The following SPTBN2 variants were observed in gnomAD, a reference collection of about 807,000 sequenced individuals.
SPTBN2 encodes spectrin beta chain, non-erythrocytic 2.
In SPTBN2, 107 loss-of-function variants were observed where a neutral mutation model predicts 284.2. The observed-to-expected ratio is 0.38, with a 90% confidence interval of 0.32 to 0.44. The LOEUF (loss-of-function observed/expected upper bound fraction) is 0.44, where lower values mean the gene tolerates loss of function less well. SPTBN2 is among the 20% of genes least tolerant of loss of function. The probability of loss-of-function intolerance (pLI) is 1.00; values close to 1 mark genes in which losing one functional copy is unlikely to be tolerated. For synonymous variants in SPTBN2, 1,289 were observed against 1,354.8 expected (o/e 0.95, Z 1.07); for missense variants, 2,569 against 3,287.1 (o/e 0.78, Z 5.34).
chr11:66,738,118 G>A (rs567751532), intron 1 of SPTBN2, among the ~76,000 whole-genome samples: 5 of 152,278 alleles, frequency 3.3e-5, no homozygotes, highest in Non-Finnish European at 7.4e-5. Context: ...AGGAGGCTGA[G>A]GCAGGAGAAT....
In SPTBN2 at chr11:66,707,690, G is replaced by A. The variant is rs150837212; in HGVS notation, c.1479C>T (p.Ala493=). Residue 493 remains alanine, a synonymous_variant, in exon 13 of 38, where the codon GCC becomes GCT. Transcript: ENST00000533211. This position sits in a 1 kb window ranked among gnomAD's most constrained non-coding sequence, Gnocchi z 4.9. ...AVDAVAAELA[A]ERYHDIKRIA... The stretch of plus-strand genomic sequence containing the variant: ...TGCGCTTGATGTCGTGGTAGCGCTC[G>A]GCGGCCAGCTCTGCAGCCACGGCGT... 6.4e-5 allele frequency: 103 copies of A among 1,605,400 alleles called. No individual in the cohort carries two copies. Among genetic ancestry groups the A allele is most frequent in the African/African-American group, 1.5e-4 (11 of 74,922 alleles).
intron 15 of SPTBN2, among the ~76,000 whole-genome samples, chr11:66,702,754 C>T (rs1478441706): frequency 2.0e-5 from 3 of 151,476 alleles, no homozygotes; most frequent in East Asian, 4.1e-4. Flanking sequence ...CTGGCTAACA[C>T]GGTGAAACCT....
Position 66,692,565 on chromosome 11 carries a change from C to T in SPTBN2, c.5161G>A (p.Glu1721Lys). Residue 1721 changes from glutamate to lysine, a missense_variant, in exon 26 of 38, where the codon GAG becomes AAG. Transcript: ENST00000533211. ...QEREVVAASHELGQDYEHVTM... is the reference protein window; with the variant it reads ...QEREVVAASHKLGQDYEHVTM... ...ACATGCTCGTAGTCCTGGCCCAGCTCGTGGGAGGCCGCCACCACCTCGCGC... is the reference window on the plus strand; with the variant it reads ...ACATGCTCGTAGTCCTGGCCCAGCTTGTGGGAGGCCGCCACCACCTCGCGC... The T allele has an allele frequency of 1.9e-6, 3 of 1,605,254 alleles. No individual in the cohort carries two copies. The highest frequency in any genetic ancestry group is 2.5e-6 in the Non-Finnish European group (3 of 1,179,948).
rs769503129 is a variant in SPTBN2, at chr11:66,718,424, G to T, written c.158-2443C>A. Among the ~76,000 whole-genome samples, 2 of 152,222 alleles carry T rather than the reference G, an allele frequency of 1.3e-5. No homozygotes were observed. Among genetic ancestry groups the T allele is most frequent in the East Asian group, 3.8e-4 (2 of 5,200 alleles). On this transcript the variant is annotated intron_variant, in intron 3 of 37. Coordinates refer to ENST00000533211, the MANE Select transcript of SPTBN2 (RefSeq NM_006946.4). The surrounding 1 kb of genome is among the most constrained non-coding windows in gnomAD (Gnocchi z 4.8). The stretch of plus-strand genomic sequence containing the variant: ...TCGCCCAGGCACAGTCGTCCCCACA[G>T]GGGGCCCCCGGGCCTCACCTTGCAG...
intron 3 of SPTBN2, among the ~76,000 whole-genome samples, chr11:66,719,594 C>T (rs371341516): frequency 6.6e-6 from 1 of 152,128 alleles, no homozygotes; most frequent in South Asian, 2.1e-4. Flanking sequence ...TGCTGGGTGG[C>T]CCAAGTTATG....
In SPTBN2 at chr11:66,707,441, CG is replaced by C. The variant is rs2135464656; in HGVS notation, c.1653+74del. On this transcript the variant is annotated intron_variant, in intron 13 of 37. Coordinates refer to ENST00000533211, the MANE Select transcript of SPTBN2 (RefSeq NM_006946.4). The surrounding 1 kb of genome is among the most constrained non-coding windows in gnomAD (Gnocchi z 4.9). Reference sequence around the variant, plus strand: ...ACTCCACAGAGATCGGCCGAGCAGACGGGCGGACGCACCCACTGTGGGGCCC... The same window carrying C: ...ACTCCACAGAGATCGGCCGAGCAGACGGCGGACGCACCCACTGTGGGGCCC... 1.4e-6 allele frequency: 2 copies of C among 1,472,890 alleles called. No homozygotes were observed. The highest frequency in any genetic ancestry group is 2.8e-5 in the African/African-American group (2 of 71,782). The allele number at this position is 1,472,890 out of a possible 1,614,324, so 91.2% of individuals were successfully genotyped here. A position where few individuals can be genotyped will look rare whatever the true frequency, so the allele number is the denominator to read the frequency against.
At chr11:66,741,362 C>G (rs1449123189) in intron 1 of SPTBN2, among the ~76,000 whole-genome samples, 3 of 152,340 alleles carry the variant, frequency 2.0e-5, no homozygotes, top group African/African-American at 7.2e-5. Context: ...CTGTTTACTT[C>G]CCCTTCTGCC....
At chr11:66,742,760 C>A (rs1242795925) in intron 1 of SPTBN2, among the ~76,000 whole-genome samples, 1 of 152,126 alleles carries the variant, frequency 6.6e-6, no homozygotes, top group Admixed American at 6.5e-5. Context: ...CAGGCACATG[C>A]CAACACGCCT....
chr11:66,712,529 AGAGT>A (rs997105460), intron 8 of SPTBN2, among the ~76,000 whole-genome samples: 9 of 150,252 alleles, frequency 6.0e-5, no homozygotes, highest in Non-Finnish European at 1.0e-4. Context: ...TCTGGGCAAC[AGAGT>A]GAGACTCCGT....
At chr11:66,709,143 G>A (rs1941724261) in intron 10 of SPTBN2, 124 bp from the exon 11 acceptor site, 1 of 780,074 alleles carries the variant, frequency 1.3e-6, no homozygotes. Context: ...AACTTTTTAT[G>A]TGGAAGCCAG....
intron 1 of SPTBN2, among the ~76,000 whole-genome samples, chr11:66,734,284 G>A (rs907306327): frequency 5.3e-5 from 8 of 152,142 alleles, no homozygotes; most frequent in East Asian, 1.9e-4. Context: ...TCTACTGTGC[G>A]GCTAGAGTAG....
In SPTBN2 at chr11:66,701,399, C is replaced by T. The variant is rs11227575; in HGVS notation, c.2817-117G>A. The T allele has an allele frequency of 1.5e-3, 2,271 of 1,515,330 alleles. 3 individuals are homozygous for T. The highest frequency in any genetic ancestry group is 1.5e-3 in the Non-Finnish European group (1,691 of 1,120,162). The allele number at this position is 1,515,330 out of a possible 1,614,324, so 93.9% of individuals were successfully genotyped here. A position where few individuals can be genotyped will look rare whatever the true frequency, so the allele number is the denominator to read the frequency against. ...CACTCCTCCCTTTCTGGCCAGCAGC[C>T]GCTTCAGACCACCTTGACCCCCTCT... On this transcript the variant is annotated intron_variant, in intron 16 of 37. Transcript: ENST00000533211.
chr11:66,714,372 C>T lies in SPTBN2; in HGVS notation c.519G>A (p.Lys173=), dbSNP rs1565149673. 1.2e-6 allele frequency: 2 copies of T among 1,614,070 alleles called. No homozygotes were observed. Among genetic ancestry groups the T allele is most frequent in the Non-Finnish European group, 8.5e-7 (1 of 1,180,004 alleles). ...QDISVETEDN[K]EKKSAKDALL... Reference sequence around the variant, plus strand: ...GGGCATCCTTGGCTGACTTCTTCTCCTTGTTGTCTTCTGTCTCCACACTGA... The same window carrying T: ...GGGCATCCTTGGCTGACTTCTTCTCTTTGTTGTCTTCTGTCTCCACACTGA... The change falls in exon 6 of 38, where the codon AAG becomes AAA. Residue 173 remains lysine (K), a synonymous_variant. Transcript: ENST00000533211.
intron 25 of SPTBN2, 90 bp downstream of exon 25, chr11:66,692,880 C>T (rs1468627626): frequency 8.1e-6 from 13 of 1,596,378 alleles, no homozygotes; most frequent in African/African-American, 8.0e-5. Flanking sequence ...GCTCCGTGCA[C>T]ACAGCACTGA....
chr11:66,718,268 G>A lies in SPTBN2; in HGVS notation c.158-2287C>T, dbSNP rs11820790. On this transcript the variant is annotated intron_variant, in intron 3 of 37. Transcript: ENST00000533211. The surrounding 1 kb of genome is among the most constrained non-coding windows in gnomAD (Gnocchi z 4.8). Reference sequence around the variant, plus strand: ...CTTTCCCCATTCCGTTGACATCTGTGTATTTTCCGGCCTCTTGTAATTATC... The same window carrying A: ...CTTTCCCCATTCCGTTGACATCTGTATATTTTCCGGCCTCTTGTAATTATC... Among the ~76,000 whole-genome samples, 919 of 152,330 alleles carry A rather than the reference G, an allele frequency of 6.0e-3. 9 individuals carry two copies. Among genetic ancestry groups the A allele is most frequent in the African/African-American group, 0.021 (858 of 41,568 alleles).
chr11:66,706,220 C>T (rs915112017), intron 13 of SPTBN2, among the ~76,000 whole-genome samples: 8 of 152,342 alleles, frequency 5.3e-5, no homozygotes, highest in Middle Eastern at 3.4e-3. Flanking sequence ...CTAACGGTCT[C>T]GCTGTCATGC....
At position 66,708,861 on chromosome 11, in the gene SPTBN2, G is replaced by C. The variant is rs1941707087; in HGVS notation, c.1191+41C>G. On this transcript the variant is annotated intron_variant, in intron 11 of 37. Transcript: ENST00000533211. The surrounding 1 kb of genome is among the most constrained non-coding windows in gnomAD (Gnocchi z 4.4). The stretch of plus-strand genomic sequence containing the variant: ...GATGTGTGCAAGGCATCTGGGCCAG[G>C]GCCTGCCCTGAGGGTGGGTGGCCTG... 1 of 1,558,740 alleles carries C rather than the reference G, an allele frequency of 6.4e-7. No homozygotes were observed. Among genetic ancestry groups the C allele is most frequent in the East Asian group, 2.2e-5 (1 of 44,556 alleles).
chr11:66,701,035 C>T lies in SPTBN2; in HGVS notation c.3064G>A (p.Ala1022Thr). The T allele has an allele frequency of 6.2e-7, 1 of 1,609,038 alleles. No individual in the cohort carries two copies. The highest frequency in any genetic ancestry group is 8.5e-7 in the Non-Finnish European group (1 of 1,179,802). ...AARVGELTRE[A>T]NALAAGHPAQ... Reference sequence around the variant, plus strand: ...GGATGGCCGGCAGCCAGGGCATTTGCCTCTCGAGTCAGTTCGCCCACCCGG... The same window carrying T: ...GGATGGCCGGCAGCCAGGGCATTTGTCTCTCGAGTCAGTTCGCCCACCCGG... Residue 1022 changes from alanine (A) to threonine (T), a missense_variant, in exon 17 of 38, where the codon GCA (alanine) becomes ACA (threonine). Transcript: ENST00000533211.
chr11:66,724,651 G>C (rs985922837), intron 1 of SPTBN2, among the ~76,000 whole-genome samples: 1 of 152,192 alleles, frequency 6.6e-6, no homozygotes, highest in Admixed American at 6.5e-5. Flanking sequence ...AACATGGACT[G>C]CTTAGGCTTA....
Sources: allele counts gnomAD v4.1 joint callset (sites outside exome capture counted in the v4.1 genomes callset), GRCh38; gene constraint gnomAD v4.1.1; non-coding constraint Gnocchi (gnomAD v3.1); transcripts MANE v1.5; gene names NCBI Gene and HGNC (gene_info 2026-07-23, HGNC 2026-07-21).